Variants in RBFOX1 observed in about 807,000 individuals in gnomAD.
RBFOX1 encodes the protein RNA binding protein fox-1 homolog 1.
A neutral mutation model predicts 57.7 loss-of-function variants in RBFOX1; 8 were observed. The ratio of observed to expected loss-of-function variants is 0.14; its 90% CI spans 0.08 to 0.25. The LOEUF (loss-of-function observed/expected upper bound fraction) is 0.25. Ranked by LOEUF, RBFOX1 falls within the 10% of genes least tolerant of loss-of-function variation. RBFOX1 has a pLI of 1.00. For synonymous variants in RBFOX1, 326 were observed against 222.4 expected (o/e 1.47, Z -4.15); for missense variants, 611 against 548.5 (o/e 1.11, Z -1.14).
In RBFOX1 at chr16:7,114,370, T is replaced by A. The variant is rs1295047070; in HGVS notation, c.27+62272T>A. Among the ~76,000 whole-genome samples, 6 of 152,154 alleles carry A rather than the reference T, an allele frequency of 3.9e-5. No homozygotes were observed. The East Asian group carries it at 9.6e-4, about 24-fold the overall frequency. Reference sequence around the variant, plus strand: ...GGTCCAAGGTCACATATTTAATAGTTCTAAATTTATACCCCTGGGAAGGAA... The same window carrying A: ...GGTCCAAGGTCACATATTTAATAGTACTAAATTTATACCCCTGGGAAGGAA... On this transcript the variant is annotated intron_variant, in intron 4 of 15. Transcript: ENST00000550418.
chr16:5,370,646 C>T (rs921499064), intron 1 of RBFOX1, among the ~76,000 whole-genome samples: 1 of 151,644 alleles, frequency 6.6e-6, no homozygotes, highest in African/African-American at 2.4e-5. Context: ...GCACGTGCTA[C>T]CACACTCAGC....
At position 7,183,599 on chromosome 16, in the gene RBFOX1, T is replaced by C. The variant is rs79131534; in HGVS notation, c.27+131501T>C. On this transcript the variant is annotated intron_variant, in intron 4 of 15. Coordinates refer to ENST00000550418, the MANE Select transcript of RBFOX1 (RefSeq NM_018723.4). ...ACATGTGTGTATTTTTTTTCCAGGC[T>C]TTCAGAAGCCTGCATTAATAATCTC... 0.01 allele frequency among the ~76,000 whole-genome samples: 1,533 copies of C among 152,338 alleles called. 82 individuals are homozygous for C. In the East Asian group the frequency reaches 0.12, roughly 12 times the overall value.
At chr16:6,887,490 C>T (rs1362728388) in intron 3 of RBFOX1, among the ~76,000 whole-genome samples, 2 of 152,124 alleles carry the variant, frequency 1.3e-5, no homozygotes, top group Non-Finnish European at 2.9e-5. Context: ...CTTTTTCTAT[C>T]CCTGGAATCA....
At chr16:6,021,082 G>C (rs1040972854) in intron 1 of RBFOX1, among the ~76,000 whole-genome samples, 13 of 152,216 alleles carry the variant, frequency 8.5e-5, no homozygotes, top group Non-Finnish European at 1.9e-4. Flanking sequence ...CGGGCAATTG[G>C]CACCCCAAAG....
intron 4 of RBFOX1, among the ~76,000 whole-genome samples, chr16:7,068,667 A>C (rs902648733): frequency 2.0e-5 from 3 of 152,140 alleles, no homozygotes; most frequent in Non-Finnish European, 2.9e-5. Flanking sequence ...GTTCATTGCA[A>C]CCTCTGCCCC....
At chr16:6,811,400 A>G (rs1234299588) in intron 3 of RBFOX1, among the ~76,000 whole-genome samples, 4 of 152,252 alleles carry the variant, frequency 2.6e-5, no homozygotes, top group Non-Finnish European at 5.9e-5. Context: ...GCTAGATAAC[A>G]TTGAATATTT....
chr16:6,666,180 C>T (rs1030538603), intron 3 of RBFOX1, among the ~76,000 whole-genome samples: 2 of 152,162 alleles, frequency 1.3e-5, no homozygotes, highest in African/African-American at 2.4e-5. Flanking sequence ...TATAAATTAT[C>T]CAGTCTCAGG....
intron 1 of RBFOX1, among the ~76,000 whole-genome samples, chr16:5,299,960 C>T (rs1481131278): frequency 6.7e-6 from 1 of 150,332 alleles, no homozygotes; most frequent in Non-Finnish European, 1.5e-5. Flanking sequence ...GAGGATGTTT[C>T]CTTTTATTCC....
At chr16:7,083,894 C>G (rs542371011) in intron 4 of RBFOX1, among the ~76,000 whole-genome samples, 4 of 152,128 alleles carry the variant, frequency 2.6e-5, no homozygotes, top group East Asian at 3.9e-4. Flanking sequence ...TGTGGTGAAG[C>G]TAGGAACCCT....
intron 1 of RBFOX1, among the ~76,000 whole-genome samples, chr16:6,051,729 A>G (rs895776419): frequency 1.3e-5 from 2 of 152,060 alleles, no homozygotes; most frequent in Non-Finnish European, 2.9e-5. Context: ...ATGCCCAGCT[A>G]ATTTTTGTAC....
At chr16:5,647,568 A>G (rs2049094353) in intron 3 of RBFOX1, among the ~76,000 whole-genome samples, 1 of 152,082 alleles carries the variant, frequency 6.6e-6, no homozygotes, top group Non-Finnish European at 1.5e-5. Context: ...TGGAAACCCC[A>G]CCTCTTCTCC....
At chr16:5,283,279 T>A (rs916423006) in intron 1 of RBFOX1, among the ~76,000 whole-genome samples, 9 of 152,160 alleles carry the variant, frequency 5.9e-5, no homozygotes, top group African/African-American at 2.2e-4. Flanking sequence ...ACTAGGGCAG[T>A]GCGGAAGGGA....
intron 2 of RBFOX1, among the ~76,000 whole-genome samples, chr16:6,399,249 C>A (rs1382184317): frequency 6.6e-6 from 1 of 152,214 alleles, no homozygotes; most frequent in African/African-American, 2.4e-5. Context: ...CCCTCCTAGG[C>A]CTCTGGTCCT....
At chr16:7,671,781 A>G (rs980548436) in intron 13 of RBFOX1, among the ~76,000 whole-genome samples, 1 of 152,204 alleles carries the variant, frequency 6.6e-6, no homozygotes, top group Non-Finnish European at 1.5e-5. Context: ...CTATCCCTGT[A>G]TCTATCAGTA....
intron 4 of RBFOX1, among the ~76,000 whole-genome samples, chr16:7,264,060 C>T (rs1049422949): frequency 3.9e-5 from 6 of 152,048 alleles, no homozygotes; most frequent in African/African-American, 1.2e-4. Context: ...TTGCTTTTAG[C>T]ATTTTGTCAT....
chr16:7,705,975 C>T (rs540504837), intron 14 of RBFOX1, among the ~76,000 whole-genome samples: 3 of 152,268 alleles, frequency 2.0e-5, no homozygotes, highest in Admixed American at 6.5e-5. Flanking sequence ...TATAGCTGGT[C>T]GTGTCCTAAC....
At chr16:5,714,638 T>G (rs1349850895) in intron 3 of RBFOX1, among the ~76,000 whole-genome samples, 1 of 152,210 alleles carries the variant, frequency 6.6e-6, no homozygotes, top group East Asian at 1.9e-4. Context: ...AAGAAAGATG[T>G]GCTTAGTAAC....
chr16:6,351,361 T>A (rs2086333699), intron 2 of RBFOX1, among the ~76,000 whole-genome samples: 1 of 95,644 alleles, frequency 1.0e-5, no homozygotes, highest in Non-Finnish European at 2.0e-5. Flanking sequence ...TGTATATATA[T>A]ATATATATAT....
At chr16:5,482,040 C>T (rs138439671) in intron 2 of RBFOX1, among the ~76,000 whole-genome samples, 1 of 152,198 alleles carries the variant, frequency 6.6e-6, no homozygotes, top group East Asian at 1.9e-4. Context: ...ATAACAGCCT[C>T]TTCTTAGGTA....
Sources: gnomAD v4.1 joint callset for allele counts (sites outside exome capture counted in the v4.1 genomes callset) on GRCh38, gnomAD v4.1.1 for gene constraint, MANE v1.5 for transcripts, NCBI Gene and HGNC (gene_info 2026-07-23, HGNC 2026-07-21) for gene names.